DIP2C: variants seen among roughly 807,000 people sequenced by gnomAD.
The protein encoded by DIP2C is DIP2 acetate--CoA ligase C (putative).
In DIP2C, 33 loss-of-function variants were observed where a neutral mutation model predicts 192.4. The observed-to-expected ratio is 0.17, with a 90% CI of 0.13 to 0.23. DIP2C has a LOEUF of 0.23. DIP2C is among the 10% of genes least tolerant of loss of function. DIP2C has a pLI of 1.00. For missense variants in DIP2C, 1,537 were observed against 2,110.1 expected (o/e 0.73, Z 5.32); for synonymous variants, 979 against 864.1 (o/e 1.13, Z -2.33).
At chr10:299,276 A>G (rs1182954757) in intron 32 of DIP2C, among the ~76,000 whole-genome samples, 1 of 152,204 alleles carries the variant, frequency 6.6e-6, no homozygotes, top group Non-Finnish European at 1.5e-5. Flanking sequence ...ATATTGATCC[A>G]ATATTTAATC....
chr10:581,395 A>G (rs558942215), intron 1 of DIP2C, among the ~76,000 whole-genome samples: 3 of 152,230 alleles, frequency 2.0e-5, no homozygotes, highest in African/African-American at 4.8e-5. Context: ...TAGGAATACA[A>G]AAGTCAAGGG....
At chr10:558,727 A>G (rs1849039235) in intron 1 of DIP2C, among the ~76,000 whole-genome samples, 1 of 152,238 alleles carries the variant, frequency 6.6e-6, no homozygotes, top group South Asian at 2.1e-4. Flanking sequence ...CGCCTATGTC[A>G]GGGAATCACC....
chr10:599,123 T>A (rs1851900123), intron 1 of DIP2C, among the ~76,000 whole-genome samples: 1 of 152,120 alleles, frequency 6.6e-6, no homozygotes, highest in South Asian at 2.1e-4. Flanking sequence ...GGGAGCCAAG[T>A]TAGAGACCCA....
chr10:572,041 G>A lies in DIP2C; in HGVS notation c.86-85511C>T, dbSNP rs187566106. The stretch of plus-strand genomic sequence containing the variant: ...AATAAAAAATCACTGAATTCTGCCC[G>A]AGGCTCTAGGGGTGTTTTCCTCTCT... On this transcript the variant is annotated intron_variant, in intron 1 of 36. Coordinates refer to ENST00000280886, the MANE Select transcript of DIP2C (RefSeq NM_014974.3). Among the ~76,000 whole-genome samples the A allele has an allele frequency of 2.8e-3, 423 of 152,348 alleles. 2 individuals are homozygous for A. Among genetic ancestry groups the A allele is most frequent in the Non-Finnish European group, 4.2e-3 (283 of 68,034 alleles).
intron 8 of DIP2C, among the ~76,000 whole-genome samples, chr10:410,528 A>AT (rs1311045398): frequency 2.0e-5 from 3 of 152,150 alleles, no homozygotes; most frequent in Non-Finnish European, 4.4e-5. Context: ...TTCAGGGAGT[A>AT]TTTTTTCCCC....
chr10:521,016 A>G (rs532116718), intron 1 of DIP2C, among the ~76,000 whole-genome samples: 30 of 152,364 alleles, frequency 2.0e-4, no homozygotes, highest in African/African-American at 7.2e-4. Context: ...TGGAAATATG[A>G]CAAGTAGGTA....
chr10:685,761 A>G (rs1413015474), intron 1 of DIP2C, among the ~76,000 whole-genome samples: 1 of 152,148 alleles, frequency 6.6e-6, no homozygotes, highest in East Asian at 1.9e-4. Context: ...AAAGAGTTCG[A>G]GACCAGCCTA....
intron 1 of DIP2C, among the ~76,000 whole-genome samples, chr10:640,611 G>T (rs1320550636): frequency 6.6e-6 from 1 of 151,976 alleles, no homozygotes; most frequent in Non-Finnish European, 1.5e-5. Context: ...ACGAGGGTGC[G>T]CGCGGGGAAG....
intron 1 of DIP2C, among the ~76,000 whole-genome samples, chr10:571,684 G>C (rs905617270): frequency 1.3e-5 from 2 of 152,152 alleles, no homozygotes; most frequent in African/African-American, 4.8e-5. Flanking sequence ...TGGACCATCT[G>C]GATGCCACCT....
At chr10:422,784 TACACA>T (rs1966289232) in intron 5 of DIP2C, 35 bp downstream of exon 5, 4 of 1,586,994 alleles carry the variant, frequency 2.5e-6, no homozygotes, top group Non-Finnish European at 3.4e-6. Flanking sequence ...CAAAGGCGTT[TACACA>T]ACAGGCACAG....
At chr10:539,057 C>G (rs1847843852) in intron 1 of DIP2C, among the ~76,000 whole-genome samples, 1 of 152,088 alleles carries the variant, frequency 6.6e-6, no homozygotes, top group South Asian at 2.1e-4. Flanking sequence ...GCTCAGTTGT[C>G]TGTTCACGTC....
intron 1 of DIP2C, among the ~76,000 whole-genome samples, chr10:640,736 G>C (rs2486592): frequency 0.094 from 160 of 1,708 alleles, 3 homozygotes; most frequent in African/African-American, 0.12. Context: ...GAAGAGGGTG[G>C]GCGCCGGGAA....
intron 3 of DIP2C, 43 bp downstream of exon 3, chr10:472,396 A>G: frequency 6.4e-7 from 1 of 1,566,124 alleles, no homozygotes; most frequent in Non-Finnish European, 8.8e-7. Flanking sequence ...GTCCTGGCAC[A>G]GGTGGCAGAT....
At position 473,959 on chromosome 10, in the gene DIP2C, G is replaced by A. The variant is rs538733522; in HGVS notation, c.158-1410C>T. 5.8e-4 allele frequency among the ~76,000 whole-genome samples: 88 copies of A among 152,258 alleles called. 1 individual carries two copies. The highest frequency in any genetic ancestry group is 2.0e-3 in the African/African-American group (85 of 41,542). On this transcript the variant is annotated intron_variant, in intron 2 of 36. Transcript: ENST00000280886. Reference sequence around the variant, plus strand: ...GCGAATTCAGAACTAAGTTAAGCATGGCTCCTACACCGTCATTTTGCTAAG... The same window carrying A: ...GCGAATTCAGAACTAAGTTAAGCATAGCTCCTACACCGTCATTTTGCTAAG...
intron 24 of DIP2C, among the ~76,000 whole-genome samples, chr10:351,884 C>G (rs1958830397): frequency 6.6e-6 from 1 of 152,246 alleles, no homozygotes; most frequent in Non-Finnish European, 1.5e-5. Context: ...CACGGCCAGG[C>G]TGGGTGCTGA....
chr10:494,973 G>A (rs1256261131), intron 1 of DIP2C, among the ~76,000 whole-genome samples: 1 of 152,186 alleles, frequency 6.6e-6, no homozygotes, highest in Non-Finnish European at 1.5e-5. Context: ...ACTTCGATGT[G>A]GAATTGACCT....
chr10:455,042 GGCT>G (rs1353141403), intron 3 of DIP2C, among the ~76,000 whole-genome samples: 1 of 152,140 alleles, frequency 6.6e-6, no homozygotes, highest in Non-Finnish European at 1.5e-5. Flanking sequence ...CACAGCCTGG[GGCT>G]GCTGTCCAAT....
intron 1 of DIP2C, among the ~76,000 whole-genome samples, chr10:593,947 A>AG (rs1193570885): frequency 6.6e-6 from 1 of 152,182 alleles, no homozygotes; most frequent in Non-Finnish European, 1.5e-5. Flanking sequence ...TCTGTGTAGG[A>AG]GTCCAGCACA....
Position 593,643 on chromosome 10 carries a change from G to A in DIP2C, c.85+95851C>T, listed in dbSNP as rs921167072. Among the ~76,000 whole-genome samples the A allele has an allele frequency of 2.0e-5, 3 of 152,058 alleles. 1 individual carries two copies. The highest frequency in any genetic ancestry group is 2.0e-4 in the Admixed American group (3 of 15,274). ...CATGGAGACGGCACATATCCTAGCT[G>A]TGCCTGGGATGTCACGGGCGGGGTC... is the stretch of plus-strand genomic sequence containing the variant. On this transcript the variant is annotated intron_variant, in intron 1 of 36. Transcript: ENST00000280886.
Sources: allele counts gnomAD v4.1 joint callset (sites outside exome capture counted in the v4.1 genomes callset), GRCh38; gene constraint gnomAD v4.1.1; transcripts MANE v1.5; gene names NCBI Gene and HGNC (gene_info 2026-07-23, HGNC 2026-07-21).